DDX11: variants seen among roughly 807,000 people sequenced by gnomAD.
DDX11 encodes DEAD/H-box helicase 11.
DDX11 carries 72 observed loss-of-function variants against 125.2 expected under a neutral mutation model. That is an observed-to-expected ratio of 0.58 (90% confidence interval 0.48 to 0.70). DDX11 has a LOEUF of 0.70. Ranked by LOEUF, DDX11 falls within the 30% of genes least tolerant of loss-of-function variation. The probability of loss-of-function intolerance (pLI) is 0.00; values close to 1 mark genes in which losing one functional copy is unlikely to be tolerated. For synonymous variants in DDX11, 347 were observed against 452.6 expected (o/e 0.77, Z 2.96); for missense variants, 883 against 1,165.0 (o/e 0.76, Z 3.52).
intron 3 of DDX11, 29 bp from the exon 4 acceptor site, chr12:31,084,554 T>C: frequency 1.9e-6 from 3 of 1,579,878 alleles, no homozygotes; most frequent in Non-Finnish European, 2.6e-6. Context: ...GCTTCCTTGG[T>C]GATTTTCCTT....
At chr12:31,087,055 A>G (rs1028927386) in intron 5 of DDX11, among the ~76,000 whole-genome samples, 12 of 149,080 alleles carry the variant, frequency 8.0e-5, no homozygotes, top group Non-Finnish European at 1.8e-4. Context: ...TGCCTGTCAG[A>G]TGGTTTTGTG....
In DDX11 at chr12:31,084,115, G is replaced by A. The variant is rs1029486485; in HGVS notation, c.393+54G>A. ...GTACTGGAGGAAACAGGGCTTCAGC[G>A]ATTGTTCTGGGGCGATTCCGAGACT... On this transcript the variant is annotated intron_variant, in intron 3 of 26. Coordinates refer to ENST00000542838, the MANE Select transcript of DDX11 (RefSeq NM_030653.4). 3.1e-5 allele frequency: 50 copies of A among 1,606,118 alleles called. No individual in the cohort carries two copies. The East Asian group carries it at 4.5e-4, about 14-fold the overall frequency.
chr12:31,085,862 C>T (rs981891144), intron 5 of DDX11, among the ~76,000 whole-genome samples: 4 of 152,010 alleles, frequency 2.6e-5, no homozygotes, highest in Non-Finnish European at 5.9e-5. Flanking sequence ...ACAAGGAAAA[C>T]AAAATGGTGA....
chr12:31,087,032 C>T (rs116577228), intron 5 of DDX11, among the ~76,000 whole-genome samples: 4,172 of 147,380 alleles, frequency 0.028, 190 homozygotes, highest in African/African-American at 0.1. Context: ...GTGATGTTGC[C>T]ATAGGTAGCG....
intron 12 of DDX11, chr12:31,093,611 A>G: frequency 4.8e-6 from 2 of 412,980 alleles, no homozygotes; most frequent in Non-Finnish European, 4.6e-6. Context: ...CAGCTGCTCC[A>G]GAGGCTGAGA....
Position 31,092,826 on chromosome 12 carries a change from G to C in DDX11, c.1243-20G>C, listed in dbSNP as rs536313081. On this transcript the variant is annotated intron_variant, in intron 10 of 26. Transcript: ENST00000542838. ...GCCCTCAGCTGCTTGCTCAGAGCCTGGTTTGTGTTCTTTCCCCAGCTCTGC... is the reference window on the plus strand; with the variant it reads ...GCCCTCAGCTGCTTGCTCAGAGCCTCGTTTGTGTTCTTTCCCCAGCTCTGC... 3.1e-6 allele frequency: 5 copies of C among 1,613,282 alleles called. No individual in the cohort carries two copies. In the Admixed American group the frequency reaches 5.0e-5, roughly 16 times the overall value.
chr12:31,096,590 A>C (rs753519925), intron 15 of DDX11, 47 bp from the exon 16 acceptor site: 1 of 1,605,528 alleles, frequency 6.2e-7, no homozygotes, highest in African/African-American at 1.3e-5. Flanking sequence ...CCTCTCTCTC[A>C]TGGCTGTACC....
chr12:31,076,240 G>A (rs1004074613), intron 1 of DDX11, among the ~76,000 whole-genome samples: 2 of 152,146 alleles, frequency 1.3e-5, no homozygotes, highest in East Asian at 3.8e-4. Context: ...CGAAAGTTTG[G>A]GATAAGCAGA....
chr12:31,094,682 C>G, intron 13 of DDX11, 48 bp downstream of exon 13: 1 of 1,543,306 alleles, frequency 6.5e-7, no homozygotes, highest in South Asian at 1.2e-5. Context: ...GAGCCACTTC[C>G]GAGCTTAACC....
At chr12:31,078,914 T>TGAAG (rs1941281254) in intron 2 of DDX11, among the ~76,000 whole-genome samples, 1 of 152,062 alleles carries the variant, frequency 6.6e-6, no homozygotes, top group African/African-American at 2.4e-5. Flanking sequence ...ATCTCAGTCT[T>TGAAG]CTGACCTCGT....
chr12:31,089,620 C>G, intron 8 of DDX11, 130 bp downstream of exon 8: 1 of 1,083,822 alleles, frequency 9.2e-7, no homozygotes, highest in Non-Finnish European at 1.4e-6. Context: ...CTTCCTGAGT[C>G]CCCTCTCCTT....
At chr12:31,098,335 T>C (rs1211635209) in intron 18 of DDX11, among the ~76,000 whole-genome samples, 11 of 152,280 alleles carry the variant, frequency 7.2e-5, no homozygotes, top group African/African-American at 2.7e-4. Flanking sequence ...TAATAGTCTT[T>C]GTAGGCGTAA....
intron 2 of DDX11, among the ~76,000 whole-genome samples, chr12:31,079,597 C>T (rs1331604188): frequency 6.7e-6 from 1 of 149,298 alleles, no homozygotes; most frequent in Non-Finnish European, 1.5e-5. Flanking sequence ...GTTATGACCT[C>T]CTTTACCCTT....
Position 31,083,907 on chromosome 12 carries a change from G to A in DDX11, c.239G>A (p.Gly80Glu). The change falls in exon 3 of 27, where the codon GGA (glycine) becomes GAA (glutamate). Residue 80 changes from glycine to glutamate, a missense_variant. Gly to Glu is a moderately conservative substitution (Grantham distance 98). Transcript: ENST00000542838. ...GAAGAGGCACGACTCCTTGAAACTG[G>A]AACTGGCCCCTTACATGATGAGAAA... ...REEEARLLET[G>E]TGPLHDEKDE... 6.2e-7 allele frequency: 1 copy of A among 1,613,876 alleles called. No individual in the cohort carries two copies. The highest frequency in any genetic ancestry group is 2.2e-5 in the East Asian group (1 of 44,890).
At chr12:31,103,134 C>T in intron 24 of DDX11, 114 bp downstream of exon 24, 1 of 1,398,024 alleles carries the variant, frequency 7.2e-7, no homozygotes, top group Non-Finnish European at 1.0e-6. Context: ...CGTCTCCTGC[C>T]CCCTCCGGAA....
intron 5 of DDX11, chr12:31,087,702 G>C (rs1395174880): frequency 1.5e-6 from 1 of 653,666 alleles, no homozygotes; most frequent in Non-Finnish European, 2.7e-6. Context: ...ACTTGGGTTG[G>C]GGGTGCTGAG....
In DDX11 at chr12:31,094,895, T is replaced by C. The variant is rs1340446124; in HGVS notation, c.1482+73T>C. 8 of 1,550,338 alleles carry C rather than the reference T, an allele frequency of 5.2e-6. No individual in the cohort carries two copies. The African/African-American group carries it at 9.5e-5, about 18-fold the overall frequency. On this transcript the variant is annotated intron_variant, in intron 14 of 26. Transcript: ENST00000542838. ...CACCACCTGTGGGTAAAGTACTATG[T>C]TAAGACTGTAGAAGGAAGAAAAAGC... is the stretch of plus-strand genomic sequence containing the variant.
Position 31,096,999 on chromosome 12 carries a change from G to A in DDX11, c.1762+9G>A. 6.2e-7 allele frequency: 1 copy of A among 1,613,368 alleles called. No homozygotes were observed. Among genetic ancestry groups the A allele is most frequent in the Non-Finnish European group, 8.5e-7 (1 of 1,179,800 alleles). On this transcript the variant is annotated intron_variant, in intron 17 of 26. Coordinates refer to ENST00000542838, the MANE Select transcript of DDX11 (RefSeq NM_030653.4). ...CATCCTGAGCCGCCAAGGTAATCAG[G>A]TGGTTCTTGGCCAGGTTCAGTTCCC...
rs185115376 is a variant in DDX11 at position 31,091,893 on chromosome 12, G to T, written c.1242+22G>T. The T allele has an allele frequency of 1.2e-5, 20 of 1,613,594 alleles. No individual in the cohort carries two copies. In the African/African-American group the frequency reaches 1.6e-4, roughly 13 times the overall value. ...CCAGGTGTGTGGGCCTCCCCTCCCC[G>T]GGCCAGGGCCTGCTGTGACGTAAAG... On this transcript the variant is annotated intron_variant, in intron 10 of 26. Coordinates refer to ENST00000542838, the MANE Select transcript of DDX11 (RefSeq NM_030653.4).
Sources: gnomAD v4.1 joint callset for allele counts (sites outside exome capture counted in the v4.1 genomes callset) on GRCh38, gnomAD v4.1.1 for gene constraint, MANE v1.5 for transcripts, NCBI Gene and HGNC (gene_info 2026-07-23, HGNC 2026-07-21) for gene names.